The following USP31 variants were observed in gnomAD, a reference collection of about 807,000 sequenced individuals.
USP31 encodes ubiquitin specific peptidase 31.
USP31 carries 44 observed loss-of-function variants against 119.4 expected under a neutral mutation model. The observed-to-expected ratio is 0.37, with a 90% CI of 0.29 to 0.47. The LOEUF is 0.47. USP31 is among the 20% of genes least tolerant of loss of function. USP31 has a pLI of 0.99. For synonymous variants in USP31, 749 were observed against 705.6 expected (o/e 1.06, Z -0.97); for missense variants, 1,643 against 1,730.2 (o/e 0.95, Z 0.89).
chr16:23,084,769 TCTG>T, intron 11 of USP31, 88 bp downstream of exon 11: 2 of 1,556,012 alleles, frequency 1.3e-6, no homozygotes, highest in South Asian at 2.4e-5. Flanking sequence ...TGCGGCGACT[TCTG>T]GGGCGTGATT....
At chr16:23,127,354 G>A (rs1307828747) in intron 1 of USP31, among the ~76,000 whole-genome samples, 2 of 152,098 alleles carry the variant, frequency 1.3e-5, no homozygotes, top group Non-Finnish European at 2.9e-5. Flanking sequence ...TGGGAGGTAG[G>A]CTTGCAGTGA....
rs773486631 is a variant in USP31 at position 23,148,743 on chromosome 16, C to G, written c.528G>C (p.Ala176=). The G allele has an allele frequency of 5.4e-6, 8 of 1,494,668 alleles. No individual in the cohort carries two copies. Among genetic ancestry groups the G allele is most frequent in the South Asian group, 5.2e-5 (4 of 76,862 alleles). 92.6% of individuals were successfully genotyped at this position (1,494,668 alleles called of 1,614,324 possible). A position where few individuals can be genotyped will look rare whatever the true frequency, so the allele number is the denominator to read the frequency against. ...PEPSPDPEQP[A]GRGAQGQGEV... The stretch of plus-strand genomic sequence containing the variant: ...CGCCCTGGCCCTGCGCGCCGCGGCC[C>G]GCAGGCTGCTCCGGGTCAGGCGAGG... Residue 176 remains alanine, a synonymous_variant, in exon 1 of 16, where the codon GCG becomes GCC. Coordinates refer to ENST00000219689, the MANE Select transcript of USP31 (RefSeq NM_020718.4).
chr16:23,101,556 T>C (rs1211355800), intron 6 of USP31, among the ~76,000 whole-genome samples: 1 of 152,150 alleles, frequency 6.6e-6, no homozygotes, highest in African/African-American at 2.4e-5. Flanking sequence ...CACGATCACC[T>C]ACCTAAAGGG....
At chr16:23,097,607 A>T (rs1292402737) in intron 6 of USP31, among the ~76,000 whole-genome samples, 1 of 152,220 alleles carries the variant, frequency 6.6e-6, no homozygotes, top group Non-Finnish European at 1.5e-5. Context: ...CCAGCAGCAC[A>T]TCAAAAAGCT....
chr16:23,114,146 G>A (rs140109886), intron 1 of USP31, among the ~76,000 whole-genome samples: 4 of 152,150 alleles, frequency 2.6e-5, no homozygotes, highest in Non-Finnish European at 5.9e-5. Flanking sequence ...GGGAAAAGGA[G>A]AGATTGATTT....
rs947951098 is a variant in USP31 at position 23,089,302 on chromosome 16, C to G, written c.1415+1322G>C. Among the ~76,000 whole-genome samples the G allele has an allele frequency of 2.0e-5, 3 of 152,148 alleles. No homozygotes were observed. In the East Asian group the frequency reaches 5.8e-4, roughly 29 times the overall value. On this transcript the variant is annotated intron_variant, in intron 7 of 15. Transcript: ENST00000219689. ...GACCTCCCTTCCTAATGTTGTCTTG[C>G]CAGCCTCCCACCATCACACTCTATC...
chr16:23,141,294 G>A lies in USP31; in HGVS notation c.633+7344C>T, dbSNP rs912117786. 5.9e-5 allele frequency among the ~76,000 whole-genome samples: 9 copies of A among 152,012 alleles called. 1 individual carries two copies. Among genetic ancestry groups the A allele is most frequent in the Admixed American group, 2.0e-4 (3 of 15,258 alleles). On this transcript the variant is annotated intron_variant, in intron 1 of 15. Transcript: ENST00000219689. ...ACCCTCAGCTCTTTCCAACTATAGC[G>A]CCTTCTGCATTTTATTCTTCCTGCC...
intron 1 of USP31, among the ~76,000 whole-genome samples, chr16:23,147,712 G>C (rs934997938): frequency 6.6e-6 from 1 of 152,182 alleles, no homozygotes; most frequent in Non-Finnish European, 1.5e-5. Flanking sequence ...AGAGTGGCTT[G>C]AGGACAAGAG....
At position 23,068,216 on chromosome 16, in the gene USP31, C is replaced by T; in HGVS notation, c.3889G>A (p.Asp1297Asn). 6.2e-7 allele frequency: 1 copy of T among 1,614,144 alleles called. No homozygotes were observed. Among genetic ancestry groups the T allele is most frequent in the Non-Finnish European group, 8.5e-7 (1 of 1,180,024 alleles). ...AGGGAATGTTTGGCAGAAGCAGGGT[C>T]CTTGGTGACAAGCTGCTCTTTTCCC... is the stretch of plus-strand genomic sequence containing the variant. ...TTGKEQLVTK[D>N]PASAKHSLLS... The change falls in exon 16 of 16, where the codon GAC (aspartate) becomes AAC (asparagine). Residue 1297 changes from aspartate to asparagine, a missense_variant. Physicochemically the swap from Asp to Asn is conservative, Grantham distance 23. Transcript: ENST00000219689.
At chr16:23,145,332 A>C (rs1903473518) in intron 1 of USP31, among the ~76,000 whole-genome samples, 1 of 152,172 alleles carries the variant, frequency 6.6e-6, no homozygotes, top group African/African-American at 2.4e-5. Context: ...CAAGATCCCC[A>C]GGTGAATTAT....
intron 2 of USP31, among the ~76,000 whole-genome samples, chr16:23,107,129 T>G (rs1596716147): frequency 6.6e-6 from 1 of 150,628 alleles, no homozygotes; most frequent in African/African-American, 2.4e-5. Context: ...AAAAAAAAAG[T>G]ACTAATGCTT....
chr16:23,102,265 C>T, intron 6 of USP31, 54 bp downstream of exon 6: 1 of 1,556,614 alleles, frequency 6.4e-7, no homozygotes, highest in Admixed American at 2.1e-5. Flanking sequence ...AAAAGGTAGA[C>T]TATAGTTAAA....
chr16:23,071,463 G>A (rs1286754720), intron 15 of USP31, among the ~76,000 whole-genome samples: 5 of 111,856 alleles, frequency 4.5e-5, no homozygotes, highest in Non-Finnish European at 7.8e-5. Context: ...GAAAGTGAAA[G>A]TTTAAAAAGA....
At position 23,068,676 on chromosome 16, in the gene USP31, T is replaced by G. The variant is rs966392612; in HGVS notation, c.3429A>C (p.Pro1143=). ...ASGPATRSPF[P]PGKSRTSDHS... ...GGTCTGAAGTCCTGCTCTTCCCAGG[T>G]GGGAAAGGGCTCCTTGTGGCAGGGC... is the stretch of plus-strand genomic sequence containing the variant. Residue 1143 remains proline (P), a synonymous_variant, in exon 16 of 16, where the codon CCA becomes CCC. Transcript: ENST00000219689. 2 of 1,614,076 alleles carry G rather than the reference T, an allele frequency of 1.2e-6. No homozygotes were observed. Among genetic ancestry groups the G allele is most frequent in the Non-Finnish European group, 1.7e-6 (2 of 1,180,020 alleles).
Position 23,148,983 on chromosome 16 carries a change from G to T in USP31, c.288C>A (p.Pro96=). Residue 96 remains proline, a synonymous_variant, in exon 1 of 16, where the codon CCC becomes CCA. Coordinates refer to ENST00000219689, the MANE Select transcript of USP31 (RefSeq NM_020718.4). ...DRGGLRSCFP[P]GPAAAPTPPP... ...GCGGCGTGGGCGCGGCGGCCGGCCC[G>T]GGCGGGAAGCAGCTGCGGAGGCCGC... 2 of 1,035,872 alleles carry T rather than the reference G, an allele frequency of 1.9e-6. No individual in the cohort carries two copies. Among genetic ancestry groups the T allele is most frequent in the Non-Finnish European group, 2.3e-6 (2 of 856,302 alleles). The allele number at this position is 1,035,872 out of a possible 1,614,324, so 64.2% of individuals were successfully genotyped here. A position where few individuals can be genotyped will look rare whatever the true frequency, so the allele number is the denominator to read the frequency against.
intron 1 of USP31, among the ~76,000 whole-genome samples, chr16:23,146,434 G>T (rs1416885055): frequency 1.3e-5 from 2 of 152,122 alleles, no homozygotes; most frequent in African/African-American, 4.8e-5. Flanking sequence ...TGAGACAGGA[G>T]AATTGCTTGA....
At chr16:23,135,312 A>G (rs1026482358) in intron 1 of USP31, among the ~76,000 whole-genome samples, 1 of 152,174 alleles carries the variant, frequency 6.6e-6, no homozygotes, top group Non-Finnish European at 1.5e-5. Context: ...TACCACTTCT[A>G]TTCAACATAG....
chr16:23,104,877 C>G (rs995579139), intron 5 of USP31, among the ~76,000 whole-genome samples: 2 of 152,188 alleles, frequency 1.3e-5, no homozygotes, highest in African/African-American at 4.8e-5. Context: ...TTCAACATAA[C>G]TGCTTATCAA....
chr16:23,081,090 G>C (rs1900800909), intron 12 of USP31, among the ~76,000 whole-genome samples: 1 of 152,228 alleles, frequency 6.6e-6, no homozygotes, highest in Non-Finnish European at 1.5e-5. Flanking sequence ...CTGTCTGACA[G>C]CAAGAATGGG....
Sources: gnomAD v4.1 joint callset for allele counts (sites outside exome capture counted in the v4.1 genomes callset) on GRCh38, gnomAD v4.1.1 for gene constraint, MANE v1.5 for transcripts, NCBI Gene and HGNC (gene_info 2026-07-23, HGNC 2026-07-21) for gene names.